The following FSIP1 variants were observed in gnomAD, a reference collection of about 807,000 sequenced individuals.
FSIP1 encodes fibrous sheath interacting protein 1.
In FSIP1, 65 loss-of-function variants were observed where a neutral mutation model predicts 60.9. That is an observed-to-expected ratio of 1.07 (90% CI 0.87 to 1.31). The LOEUF is 1.31. FSIP1 is among the 40% of genes most tolerant of loss of function. The pLI is 0.00. For missense variants in FSIP1, 675 were observed against 665.5 expected (o/e 1.01, Z -0.16); for synonymous variants, 209 against 221.2 (o/e 0.94, Z 0.49).
chr15:39,728,992 C>T (rs1212414219), intron 8 of FSIP1, among the ~76,000 whole-genome samples: 1 of 152,046 alleles, frequency 6.6e-6, no homozygotes, highest in Admixed American at 6.6e-5. Context: ...ATGAAAAAAA[C>T]GCTCGACATC....
chr15:39,706,133 C>T (rs187146935), intron 10 of FSIP1, among the ~76,000 whole-genome samples: 7 of 152,106 alleles, frequency 4.6e-5, no homozygotes, highest in African/African-American at 1.4e-4. Flanking sequence ...TCTTTGAGAA[C>T]ATTTATTTCC....
intron 10 of FSIP1, among the ~76,000 whole-genome samples, chr15:39,709,957 A>C (rs765996391): frequency 3.9e-5 from 6 of 152,146 alleles, no homozygotes; most frequent in Non-Finnish European, 8.8e-5. Context: ...TGCTCTAAGA[A>C]ACTATGTAAT....
At chr15:39,749,667 C>T (rs1897107714) in intron 5 of FSIP1, among the ~76,000 whole-genome samples, 1 of 151,690 alleles carries the variant, frequency 6.6e-6, no homozygotes, top group African/African-American at 2.4e-5. Context: ...AAGAAAATTT[C>T]CTGAAGGCCA....
intron 8 of FSIP1, 105 bp from the exon 9 acceptor site, chr15:39,726,852 AACACACAC>A: frequency 1.6e-6 from 1 of 621,962 alleles, no homozygotes; most frequent in Non-Finnish European, 2.8e-6. Flanking sequence ...TACACACACA[AACACACAC>A]ACACACACAC....
At chr15:39,623,878 C>T (rs982022243) in intron 10 of FSIP1, among the ~76,000 whole-genome samples, 2 of 152,220 alleles carry the variant, frequency 1.3e-5, no homozygotes, top group African/African-American at 4.8e-5. Flanking sequence ...TCTCTGCAAA[C>T]CAGCTTTCTC....
Position 39,780,341 on chromosome 15 carries a change from G to A in FSIP1, c.-8+2287C>T, listed in dbSNP as rs541359187. On this transcript the variant is annotated intron_variant, in intron 1 of 11. Coordinates refer to ENST00000350221, the MANE Select transcript of FSIP1 (RefSeq NM_152597.5). ...GGATCAAGAACACCCTGGCTAACACGGTGAAACCCCGTCTCTACTAAAAAT... is the reference window on the plus strand; with the variant it reads ...GGATCAAGAACACCCTGGCTAACACAGTGAAACCCCGTCTCTACTAAAAAT... Among the ~76,000 whole-genome samples the A allele has an allele frequency of 1.5e-4, 23 of 152,192 alleles. No homozygotes were observed. In the East Asian group the frequency reaches 2.1e-3, roughly 14 times the overall value.
intron 10 of FSIP1, among the ~76,000 whole-genome samples, chr15:39,658,574 T>C (rs1403503540): frequency 6.6e-6 from 1 of 152,152 alleles, no homozygotes; most frequent in Admixed American, 6.5e-5. Flanking sequence ...AATCTATTTC[T>C]TTAATAAAGA....
chr15:39,648,137 G>A (rs1418684727), intron 10 of FSIP1, among the ~76,000 whole-genome samples: 3 of 139,898 alleles, frequency 2.1e-5, no homozygotes, highest in African/African-American at 8.2e-5. Flanking sequence ...CCTGCACAAT[G>A]TGCACATGTA....
In FSIP1 at chr15:39,777,206, C is replaced by A. The variant is rs73397118; in HGVS notation, c.-7-675G>T. ...ACCTCGGTCTCCCAAAGTCCCCCTG[C>A]TACTTTCTTTCGGTTTTGCCTTCTT... On this transcript the variant is annotated intron_variant, in intron 1 of 11. Transcript: ENST00000350221. Among the ~76,000 whole-genome samples the A allele has an allele frequency of 7.9e-3, 1,208 of 152,080 alleles. 14 individuals are homozygous for A. Among genetic ancestry groups the A allele is most frequent in the African/African-American group, 0.027 (1,141 of 41,512 alleles).
intron 10 of FSIP1, among the ~76,000 whole-genome samples, chr15:39,698,321 A>G (rs1343368630): frequency 6.6e-6 from 1 of 152,116 alleles, no homozygotes; most frequent in African/African-American, 2.4e-5. Context: ...CAGAAGATTT[A>G]AAATTACTTA....
intron 10 of FSIP1, among the ~76,000 whole-genome samples, chr15:39,651,827 C>T (rs1370806698): frequency 6.6e-6 from 1 of 152,196 alleles, no homozygotes; most frequent in Admixed American, 6.5e-5. Context: ...CCCATAAAAT[C>T]GTGTGGTCTC....
intron 8 of FSIP1, among the ~76,000 whole-genome samples, chr15:39,729,402 C>T (rs562522388): frequency 6.6e-6 from 1 of 152,096 alleles, no homozygotes; most frequent in Admixed American, 6.5e-5. Context: ...CAAAACCTCA[C>T]CTTTACAAAA....
rs78652602 is a variant in FSIP1, at chr15:39,749,778, T to C, written c.560-7878A>G. Among the ~76,000 whole-genome samples the C allele has an allele frequency of 4.8e-3, 724 of 152,026 alleles. 4 individuals carry two copies. Among genetic ancestry groups the C allele is most frequent in the Non-Finnish European group, 7.8e-3 (526 of 67,866 alleles). On this transcript the variant is annotated intron_variant, in intron 5 of 11. Coordinates refer to ENST00000350221, the MANE Select transcript of FSIP1 (RefSeq NM_152597.5). ...GGTAGGGATGCCCACTCTCATCACT[T>C]CTATTCAACACAGTACTGGAAGGAC...
At chr15:39,669,876 G>A (rs1425583616) in intron 10 of FSIP1, among the ~76,000 whole-genome samples, 1 of 152,118 alleles carries the variant, frequency 6.6e-6, no homozygotes, top group African/African-American at 2.4e-5. Flanking sequence ...AAACCAACAA[G>A]GGATATTAGG....
At chr15:39,620,397 GTTA>G (rs1891396468) in intron 10 of FSIP1, among the ~76,000 whole-genome samples, 1 of 151,924 alleles carries the variant, frequency 6.6e-6, no homozygotes, top group Admixed American at 6.6e-5. Flanking sequence ...AAGAAAGTAA[GTTA>G]TTAATAAATA....
chr15:39,688,838 G>A (rs1004017793), intron 10 of FSIP1, among the ~76,000 whole-genome samples: 1 of 152,120 alleles, frequency 6.6e-6, no homozygotes, highest in African/African-American at 2.4e-5. Flanking sequence ...TTTTGTGCCT[G>A]CTAAGTAGAG....
chr15:39,681,523 G>A (rs186016178), intron 10 of FSIP1, among the ~76,000 whole-genome samples: 3 of 152,142 alleles, frequency 2.0e-5, no homozygotes, highest in Non-Finnish European at 4.4e-5. Context: ...AAGTGTCAAA[G>A]TGCTAGAGAA....
At chr15:39,613,477 A>G (rs562557441) in intron 11 of FSIP1, among the ~76,000 whole-genome samples, 1 of 152,272 alleles carries the variant, frequency 6.6e-6, no homozygotes, top group South Asian at 2.1e-4. Flanking sequence ...CCTCCTATCA[A>G]AAAAAGGCCC....
At chr15:39,677,798 C>T (rs1010467257) in intron 10 of FSIP1, among the ~76,000 whole-genome samples, 1 of 152,164 alleles carries the variant, frequency 6.6e-6, no homozygotes, top group African/African-American at 2.4e-5. Flanking sequence ...GAGATGGAGA[C>T]CATCCTGGCC....
Sources: gnomAD v4.1 joint callset for allele counts (sites outside exome capture counted in the v4.1 genomes callset) on GRCh38, gnomAD v4.1.1 for gene constraint, MANE v1.5 for transcripts, NCBI Gene and HGNC (gene_info 2026-07-23, HGNC 2026-07-21) for gene names.